The following SLC5A11 variants were observed in gnomAD, a reference collection of about 807,000 sequenced individuals.
SLC5A11 encodes the protein solute carrier family 5 member 11.
Under a neutral mutation model 69.8 loss-of-function variants are expected in SLC5A11, and 48 were observed. That is an observed-to-expected ratio of 0.69 (90% CI 0.55 to 0.87). The LOEUF is 0.87. SLC5A11 is among the 40% of genes least tolerant of loss of function. SLC5A11 has a pLI of 0.00. For synonymous variants in SLC5A11, 319 were observed against 342.4 expected, an observed-to-expected ratio of 0.93 and a Z score of 0.75; for missense variants, 784 against 866.1, an observed-to-expected ratio of 0.91 and a Z score of 1.19.
chr16:24,863,047 AATAT>A (rs145598865), intron 3 of SLC5A11, among the ~76,000 whole-genome samples: 1 of 141,888 alleles, frequency 7.0e-6, no homozygotes, highest in South Asian at 2.1e-4. Flanking sequence ...ATATTTATGT[AATAT>A]ATAGTTATAT....
intron 1 of SLC5A11, among the ~76,000 whole-genome samples, chr16:24,851,288 G>A (rs113897357): frequency 0.019 from 2,892 of 151,204 alleles, 77 homozygotes; most frequent in African/African-American, 0.052. Context: ...CAAGGCAGGC[G>A]GATCACCTGA....
chr16:24,884,441 T>C (rs1160232670), intron 8 of SLC5A11, among the ~76,000 whole-genome samples: 3 of 151,752 alleles, frequency 2.0e-5, no homozygotes, highest in Admixed American at 6.6e-5. Flanking sequence ...AGTGACTCTC[T>C]CACCTCAGCC....
chr16:24,861,575 AAGAAAG>A (rs1004041614), intron 2 of SLC5A11, among the ~76,000 whole-genome samples: 1 of 146,046 alleles, frequency 6.8e-6, no homozygotes, highest in Non-Finnish European at 1.5e-5. Context: ...AAGAGAGAGA[AAGAAAG>A]AGAAAGAGAA....
chr16:24,901,687 GCGTTATTCTAGAACA>G (rs1488380978), intron 10 of SLC5A11, among the ~76,000 whole-genome samples: 1 of 151,948 alleles, frequency 6.6e-6, no homozygotes, highest in African/African-American at 2.4e-5. Context: ...TATCTTCCAA[GCGTTATTCTAGAACA>G]CTCTGGGGGC....
At chr16:24,892,230 T>A (rs955194727) in intron 9 of SLC5A11, among the ~76,000 whole-genome samples, 5 of 151,734 alleles carry the variant, frequency 3.3e-5, no homozygotes, top group Non-Finnish European at 7.4e-5. Context: ...AGTAAGATCC[T>A]GTCTCAAATA....
intron 9 of SLC5A11, among the ~76,000 whole-genome samples, chr16:24,891,310 C>CT (rs11286846): frequency 0.14 from 14,440 of 102,058 alleles, 1,110 homozygotes; most frequent in South Asian, 0.16. Context: ...CACACTCTGC[C>CT]TTTTTTTTTT....
intron 2 of SLC5A11, among the ~76,000 whole-genome samples, chr16:24,861,427 C>A (rs538509490): frequency 6.6e-6 from 1 of 151,310 alleles, no homozygotes; most frequent in African/African-American, 2.4e-5. Context: ...TTACAGTGAG[C>A]CATGATCATG....
intron 9 of SLC5A11, among the ~76,000 whole-genome samples, chr16:24,895,143 A>T (rs1016305612): frequency 6.7e-6 from 1 of 148,382 alleles, no homozygotes; most frequent in Non-Finnish European, 1.5e-5. Context: ...AGAAAGAAAG[A>T]AAAAAAAAAG....
chr16:24,883,256 T>C (rs958256002), intron 7 of SLC5A11, among the ~76,000 whole-genome samples: 2 of 142,880 alleles, frequency 1.4e-5, no homozygotes, highest in South Asian at 2.5e-4. Flanking sequence ...TCCTAGCTAC[T>C]TGGGGGACTG....
At chr16:24,856,036 A>G (rs1345263957) in intron 1 of SLC5A11, among the ~76,000 whole-genome samples, 2 of 152,290 alleles carry the variant, frequency 1.3e-5, no homozygotes, top group South Asian at 4.1e-4. Flanking sequence ...CTTATTAGAA[A>G]TTCCTCACTG....
At chr16:24,887,433 A>G (rs1190860061) in intron 8 of SLC5A11, among the ~76,000 whole-genome samples, 1 of 152,198 alleles carries the variant, frequency 6.6e-6, no homozygotes, top group Admixed American at 6.6e-5. Flanking sequence ...GAGAGATAGT[A>G]TGCTAGATTT....
intron 10 of SLC5A11, among the ~76,000 whole-genome samples, chr16:24,898,558 G>A (rs274090): frequency 0.25 from 35,477 of 144,380 alleles, 4,510 homozygotes; most frequent in South Asian, 0.43. Flanking sequence ...TTGCACTGTC[G>A]CCCAGGCTGG....
At chr16:24,849,345 A>G (rs1238533393) in intron 1 of SLC5A11, among the ~76,000 whole-genome samples, 1 of 151,884 alleles carries the variant, frequency 6.6e-6, no homozygotes, top group Non-Finnish European at 1.5e-5. Context: ...AGGCGGGTGG[A>G]TCACCCGAGG....
In SLC5A11 at chr16:24,859,888, G is replaced by A. The variant is rs574496991; in HGVS notation, c.135+1110G>A. Among the ~76,000 whole-genome samples the A allele has an allele frequency of 1.6e-4, 24 of 152,282 alleles. 1 individual carries two copies. Among genetic ancestry groups the A allele is most frequent in the African/African-American group, 5.3e-4 (22 of 41,564 alleles). On this transcript the variant is annotated intron_variant, in intron 2 of 15. Transcript: ENST00000347898. ...ACCCTGGCCCAGCGCAGTGGCTCAC[G>A]CTTGTAATCCCAGCACTTTGGGAGG... is the stretch of plus-strand genomic sequence containing the variant.
intron 9 of SLC5A11, among the ~76,000 whole-genome samples, chr16:24,892,556 G>T (rs940571188): frequency 1.3e-5 from 2 of 152,068 alleles, no homozygotes; most frequent in African/African-American, 4.8e-5. Context: ...GGGCAGGGAG[G>T]CAGGGCGGGT....
chr16:24,906,969 G>A (rs775201239), intron 11 of SLC5A11, 56 bp from the exon 13 acceptor site: 12 of 1,590,524 alleles, frequency 7.5e-6, no homozygotes, highest in Non-Finnish European at 8.6e-6. Flanking sequence ...AGCCCACTGG[G>A]ATCGGCTGCT....
At chr16:24,849,587 AAAAAAAAT>A (rs1443725152) in intron 1 of SLC5A11, among the ~76,000 whole-genome samples, 1,609 of 81,540 alleles carry the variant, frequency 0.02, 27 homozygotes, top group African/African-American at 0.06. Flanking sequence ...AAAAAAAAAA[AAAAAAAAT>A]ATATATATAT....
At chr16:24,908,063 T>A (rs1465934314) in exon 13 of SLC5A11, 6 of 1,611,458 alleles carry the variant, frequency 3.7e-6, no homozygotes, top group Non-Finnish European at 5.1e-6. Context: ...GTCCATCAGC[T>A]CCTACCTGCA....
rs554681964 is a variant in SLC5A11, at chr16:24,907,669, T to G, written c.1266-294T>G. 2.0e-5 allele frequency among the ~76,000 whole-genome samples: 3 copies of G among 151,436 alleles called. No homozygotes were observed. The South Asian group carries it at 6.3e-4, about 32-fold the overall frequency. On this transcript the variant is annotated intron_variant, in intron 12 of 15. Coordinates refer to ENST00000347898, the Ensembl canonical transcript of SLC5A11. ...GTTGCAGTGAGCCAAGATGACGCAC[T>G]GCACTCCCGCCTGGGTGACAGAGTG...
Sources: allele counts gnomAD v4.1 joint callset (sites outside exome capture counted in the v4.1 genomes callset), GRCh38; gene constraint gnomAD v4.1.1; transcripts MANE v1.5; gene names NCBI Gene and HGNC (gene_info 2026-07-23, HGNC 2026-07-21).